The following STARD13 variants were observed in gnomAD, a reference collection of about 807,000 sequenced individuals.
The protein encoded by STARD13 is StAR related lipid transfer domain containing 13.
Under a neutral mutation model 106.4 loss-of-function variants are expected in STARD13, and 62 were observed. That is an observed-to-expected ratio of 0.58 (90% CI 0.48 to 0.72). The LOEUF (loss-of-function observed/expected upper bound fraction) is 0.72. STARD13 is among the 30% of genes least tolerant of loss of function. STARD13 has a pLI of 0.00. For missense variants in STARD13, 1,387 were observed against 1,424.0 expected (o/e 0.97, Z 0.42); for synonymous variants, 565 against 553.0 (o/e 1.02, Z -0.31).
In STARD13 at chr13:33,214,987, T is replaced by C. The variant is rs555984176; in HGVS notation, c.170-47365A>G. Among the ~76,000 whole-genome samples, 29 of 152,178 alleles carry C rather than the reference T, an allele frequency of 1.9e-4. No homozygotes were observed. In the East Asian group the frequency reaches 4.8e-3, roughly 25 times the overall value. On this transcript the variant is annotated intron_variant, in intron 1 of 13. Transcript: ENST00000336934. ...GTTTAAGTCCTTTGGAAGCATTAGG[T>C]TCTACTGTAGTTTTTCCCCTCAGAC...
Position 33,103,240 on chromosome 13 carries a change from CAT to C in STARD13, c.*2351_*2352del, listed in dbSNP as rs1388875109. 1 of 152,590 alleles carries C rather than the reference CAT, an allele frequency of 6.6e-6. No homozygotes were observed. The highest frequency in any genetic ancestry group is 2.4e-5 in the African/African-American group (1 of 41,446). The allele number at this position is 152,590 out of a possible 1,614,324, so 9.5% of individuals were successfully genotyped here. A position where few individuals can be genotyped will look rare whatever the true frequency, so the allele number is the denominator to read the frequency against. ...TATCAACAATTGAGGTAAAAATATACATGAGGTATAAATATAATATTTAAATG... is the reference window on the plus strand; with the variant it reads ...TATCAACAATTGAGGTAAAAATATACGAGGTATAAATATAATATTTAAATG... On this transcript the variant is annotated 3_prime_UTR_variant, in exon 14 of 14. Transcript: ENST00000336934.
chr13:33,309,471 G>C (rs1482322631), intron 1 of STARD13, among the ~76,000 whole-genome samples: 1 of 152,202 alleles, frequency 6.6e-6, no homozygotes, highest in Non-Finnish European at 1.5e-5. Flanking sequence ...TGAAGGTCAA[G>C]ATCAAGAGAA....
the STARD13 span, among the ~76,000 whole-genome samples, chr13:33,643,575 A>C: frequency 6.6e-6 from 1 of 152,248 alleles, no homozygotes; most frequent in Non-Finnish European, 1.5e-5. Flanking sequence ...AGACACAATA[A>C]AGGAAATTAG....
At chr13:33,499,121 G>C in the STARD13 span, among the ~76,000 whole-genome samples, 2 of 152,186 alleles carry the variant, frequency 1.3e-5, no homozygotes, top group Non-Finnish European at 2.9e-5. Flanking sequence ...CTGGGCAGCA[G>C]AGTAAGACTC....
At chr13:33,457,073 C>T in the STARD13 span, among the ~76,000 whole-genome samples, 2 of 152,328 alleles carry the variant, frequency 1.3e-5, no homozygotes, top group East Asian at 3.9e-4. Flanking sequence ...AAACAAATTT[C>T]CCCAGTGCAT....
intron 1 of STARD13, among the ~76,000 whole-genome samples, chr13:33,182,687 CCTGGGGCCGTGGG>C: frequency 6.6e-6 from 1 of 152,362 alleles, no homozygotes; most frequent in African/African-American, 2.4e-5. Context: ...CTGCATGCGG[CCTGGGGCCGTGGG>C]CTGGACGAGC....
the STARD13 span, among the ~76,000 whole-genome samples, chr13:33,585,640 G>A: frequency 2.0e-5 from 3 of 152,182 alleles, no homozygotes; most frequent in Non-Finnish European, 4.4e-5. Flanking sequence ...GTTACTGTGT[G>A]TTGAGATTGC....
At chr13:33,304,159 C>T (rs1255695759) in intron 1 of STARD13, among the ~76,000 whole-genome samples, 1 of 152,246 alleles carries the variant, frequency 6.6e-6, no homozygotes, top group Non-Finnish European at 1.5e-5. Context: ...AAGGCCCTTA[C>T]TTCTGAGGTT....
the STARD13 span, among the ~76,000 whole-genome samples, chr13:33,606,255 C>T: frequency 7.9e-5 from 12 of 152,008 alleles, no homozygotes; most frequent in South Asian, 1.7e-3. Context: ...GAGCCAAGAT[C>T]GCACCATTGC....
chr13:33,485,435 T>TA, the STARD13 span, among the ~76,000 whole-genome samples: 27,460 of 151,134 alleles, frequency 0.18, 4,083 homozygotes, highest in African/African-American at 0.41. Flanking sequence ...CCCTCAAACT[T>TA]AAAAAAAAAT....
intron 1 of STARD13, chr13:33,281,152 T>C (rs1474361745): frequency 6.6e-6 from 1 of 151,970 alleles, no homozygotes; most frequent in Non-Finnish European, 1.5e-5. Flanking sequence ...TCATAGTCCA[T>C]CCACTTCATT....
intron 3 of STARD13, among the ~76,000 whole-genome samples, chr13:33,160,902 A>G (rs999870745): frequency 2.0e-4 from 31 of 152,224 alleles, no homozygotes; most frequent in Non-Finnish European, 2.9e-4. Flanking sequence ...AGAGCCCACG[A>G]TCCCATTCCT....
the STARD13 span, among the ~76,000 whole-genome samples, chr13:33,485,065 C>T: frequency 6.6e-6 from 1 of 152,136 alleles, no homozygotes; most frequent in African/African-American, 2.4e-5. Context: ...AAACTGATCT[C>T]TATTATTCAA....
At chr13:33,537,566 T>G in the STARD13 span, among the ~76,000 whole-genome samples, 2 of 152,166 alleles carry the variant, frequency 1.3e-5, no homozygotes, top group Non-Finnish European at 2.9e-5. Flanking sequence ...GATCATTCGA[T>G]CTTTCTACAG....
chr13:33,507,584 A>G, the STARD13 span, among the ~76,000 whole-genome samples: 1 of 152,146 alleles, frequency 6.6e-6, no homozygotes, highest in Admixed American at 6.6e-5. Context: ...CAATAATTAC[A>G]ATTGACCCTT....
chr13:33,622,780 C>T, the STARD13 span, among the ~76,000 whole-genome samples: 35 of 151,774 alleles, frequency 2.3e-4, no homozygotes, highest in South Asian at 6.4e-3. Flanking sequence ...ATTAGCCGGG[C>T]GTGGTGGCGC....
upstream of STARD13, among the ~76,000 whole-genome samples, chr13:33,286,795 A>C (rs1468689141): frequency 6.6e-6 from 1 of 152,020 alleles, no homozygotes; most frequent in African/African-American, 2.4e-5. Flanking sequence ...CCAGAACCAG[A>C]GTATATGGTT....
chr13:33,564,988 CAAAA>C, the STARD13 span, among the ~76,000 whole-genome samples: 4 of 47,280 alleles, frequency 8.5e-5, no homozygotes, highest in Admixed American at 5.0e-4. Flanking sequence ...GACTCTGTCT[CAAAA>C]AAAAAAAAAA....
At chr13:33,215,125 G>A (rs78480475) in intron 1 of STARD13, among the ~76,000 whole-genome samples, 7 of 125,876 alleles carry the variant, frequency 5.6e-5, no homozygotes, top group Non-Finnish European at 9.7e-5. Flanking sequence ...TACTTGGGGG[G>A]GGGGGTGGGG....
Sources: gnomAD v4.1 joint callset for allele counts (sites outside exome capture counted in the v4.1 genomes callset) on GRCh38, gnomAD v4.1.1 for gene constraint, MANE v1.5 for transcripts, NCBI Gene and HGNC (gene_info 2026-07-23, HGNC 2026-07-21) for gene names.